The following SMARCA4 variants were observed in gnomAD, a reference collection of about 807,000 sequenced individuals.
SMARCA4 encodes SWI/SNF-related matrix-associated actin-dependent regulator of chromatin subfamily A member 4.
Under a neutral mutation model 193.9 loss-of-function variants are expected in SMARCA4, and 31 were observed. The ratio of observed to expected loss-of-function variants is 0.16; its 90% CI spans 0.12 to 0.22. The LOEUF (loss-of-function observed/expected upper bound fraction) is 0.22, where lower values mean the gene tolerates loss of function less well. SMARCA4 is among the 10% of genes least tolerant of loss of function. The pLI, the probability that SMARCA4 is intolerant of heterozygous loss-of-function variation, is 1.00. For missense variants in SMARCA4, 1,148 were observed against 2,296.0 expected, an observed-to-expected ratio of 0.50 and a Z score of 10.22; for synonymous variants, 942 against 933.1, an observed-to-expected ratio of 1.01 and a Z score of -0.17.
At chr19:11,007,420 A>G (rs1333029061) in intron 13 of SMARCA4, among the ~76,000 whole-genome samples, 1 of 135,746 alleles carries the variant, frequency 7.4e-6, no homozygotes, top group Admixed American at 8.0e-5. Context: ...ACAGAGTGAC[A>G]CTTCGTCTCA....
At position 11,031,198 on chromosome 19, in the gene SMARCA4, A is replaced by G. The variant is rs2074906538; in HGVS notation, c.3546+305A>G. 1 of 411,918 alleles carries G rather than the reference A, an allele frequency of 2.4e-6. No individual in the cohort carries two copies. The highest frequency in any genetic ancestry group is 4.6e-6 in the Non-Finnish European group (1 of 216,620). 25.5% of individuals were successfully genotyped at this position (411,918 alleles called of 1,614,324 possible). On this transcript the variant is annotated intron_variant, in intron 25 of 34. Coordinates refer to ENST00000344626, the MANE Select transcript of SMARCA4 (RefSeq NM_003072.5). The surrounding 1 kb of genome is among the most constrained non-coding windows in gnomAD (Gnocchi z 4.3). Reference sequence around the variant, plus strand: ...GAGGAGGTGGAAAGTATCCTGATCAATCTGCGCCGTCACTGTGGGGCGGCC... The same window carrying G: ...GAGGAGGTGGAAAGTATCCTGATCAGTCTGCGCCGTCACTGTGGGGCGGCC...
intron 1 of SMARCA4, among the ~76,000 whole-genome samples, chr19:10,973,451 AG>A (rs2084841975): frequency 6.6e-6 from 1 of 151,388 alleles, no homozygotes; most frequent in Non-Finnish European, 1.5e-5. Flanking sequence ...CCCAGGCTAG[AG>A]TGCAGTGATG....
intron 29 of SMARCA4, among the ~76,000 whole-genome samples, chr19:11,036,042 G>C (rs926892127): frequency 6.6e-6 from 1 of 152,192 alleles, no homozygotes; most frequent in Non-Finnish European, 1.5e-5. Flanking sequence ...AAACAGCCCC[G>C]GTTCCCTCCT....
At chr19:11,047,243 A>G (rs11668554) in intron 30 of SMARCA4, among the ~76,000 whole-genome samples, 30,890 of 152,002 alleles carry the variant, frequency 0.2, 4,035 homozygotes, top group South Asian at 0.38. Flanking sequence ...CAAGAGATGT[A>G]TGGGGCCTCT....
At chr19:10,994,051 T>C (rs548746023) in intron 8 of SMARCA4, among the ~76,000 whole-genome samples, 2 of 151,894 alleles carry the variant, frequency 1.3e-5, no homozygotes, top group Non-Finnish European at 2.9e-5. Flanking sequence ...ATTATATTTA[T>C]TTTTTTGAGA....
rs1600405452 is a variant in SMARCA4 at position 11,034,934 on chromosome 19, G to A, written c.3972G>A (p.Arg1324=). The change falls in exon 29 of 35, where the codon AGG becomes AGA. Residue 1324 remains arginine (R), a synonymous_variant. Transcript: ENST00000344626. The surrounding 1 kb of genome is among the most constrained non-coding windows in gnomAD (Gnocchi z 7.0). ...DLFMRMDLDR[R]REEARNPKRK... is the part of the protein sequence containing the mutation. Reference sequence around the variant, plus strand: ...ACCAGCGCATGGACCTGGACCGCAGGCGCGAGGAGGCCCGCAACCCCAAGC... The same window carrying A: ...ACCAGCGCATGGACCTGGACCGCAGACGCGAGGAGGCCCGCAACCCCAAGC... 1 of 1,574,856 alleles carries A rather than the reference G, an allele frequency of 6.3e-7. No homozygotes were observed. Among genetic ancestry groups the A allele is most frequent in the Middle Eastern group, 2.0e-4 (1 of 4,962 alleles).
chr19:11,055,018 G>A (rs1242669276), intron 30 of SMARCA4, among the ~76,000 whole-genome samples: 4 of 152,168 alleles, frequency 2.6e-5, no homozygotes, highest in African/African-American at 7.2e-5. Flanking sequence ...ATAGAGGTGA[G>A]GGAGGCTCTC....
chr19:11,036,457 C>T (rs372399371), intron 29 of SMARCA4, among the ~76,000 whole-genome samples: 3 of 152,236 alleles, frequency 2.0e-5, no homozygotes, highest in Admixed American at 6.5e-5. Flanking sequence ...GGGGGTCTCA[C>T]TGTGTCACTC....
intron 29 of SMARCA4, among the ~76,000 whole-genome samples, chr19:11,036,383 C>T (rs1435428235): frequency 6.6e-6 from 1 of 152,230 alleles, no homozygotes; most frequent in Middle Eastern, 3.4e-3. Flanking sequence ...CCTCAGCCTC[C>T]TGAGTAGTTC....
intron 15 of SMARCA4, 165 bp from the exon 16 acceptor site, chr19:11,012,780 TAAAG>T: frequency 1.4e-6 from 1 of 694,834 alleles, no homozygotes; most frequent in Non-Finnish European, 2.6e-6. Flanking sequence ...GGCTAAGCGA[TAAAG>T]AATCAGTTTG....
At chr19:10,997,882 C>T (rs532689611) in intron 11 of SMARCA4, among the ~76,000 whole-genome samples, 2 of 152,322 alleles carry the variant, frequency 1.3e-5, no homozygotes, top group South Asian at 4.1e-4. Context: ...GCACACTGTA[C>T]CGAGGTGACG....
intron 29 of SMARCA4, among the ~76,000 whole-genome samples, chr19:11,037,246 TG>T (rs1226749975): frequency 6.6e-6 from 1 of 152,230 alleles, no homozygotes; most frequent in Non-Finnish European, 1.5e-5. Flanking sequence ...CTGGTTTCCT[TG>T]GTGGCTACGC....
intron 9 of SMARCA4, 181 bp from the exon 10 acceptor site, chr19:10,996,032 C>G: frequency 1.4e-6 from 1 of 724,302 alleles, no homozygotes; most frequent in East Asian, 2.6e-5. Flanking sequence ...GAACCTAGCC[C>G]TTGGTGGGTT....
chr19:10,990,055 T>C (rs916461083), intron 7 of SMARCA4, among the ~76,000 whole-genome samples: 3 of 152,054 alleles, frequency 2.0e-5, no homozygotes, highest in African/African-American at 7.2e-5. Flanking sequence ...AGTGGAGAGA[T>C]CACAGCTCAC....
intron 7 of SMARCA4, 30 bp from the exon 8 acceptor site, chr19:10,991,120 T>C (rs373075968): frequency 9.5e-5 from 153 of 1,612,098 alleles, no homozygotes; most frequent in African/African-American, 3.7e-4. Context: ...AGCTGTGCAG[T>C]GCGCGGGCTT....
intron 30 of SMARCA4, among the ~76,000 whole-genome samples, chr19:11,052,531 C>T (rs1049121984): frequency 2.0e-4 from 30 of 152,340 alleles, no homozygotes; most frequent in African/African-American, 7.2e-4. Context: ...CCCCTACAAA[C>T]ACCCACCCTT....
chr19:10,965,970 G>GTTTTTTTTTTTT (rs372236923), intron 1 of SMARCA4, among the ~76,000 whole-genome samples: 4 of 78,984 alleles, frequency 5.1e-5, no homozygotes, highest in African/African-American at 1.9e-4. Flanking sequence ...TAGTGGCATG[G>GTTTTTTTTTTTT]TTTTTTTTTT....
rs372877301 is a variant in SMARCA4 at position 11,023,645 on chromosome 19, G to C, written c.2973+14G>C. On this transcript the variant is annotated intron_variant, in intron 20 of 34. Coordinates refer to ENST00000344626, the MANE Select transcript of SMARCA4 (RefSeq NM_003072.5). The stretch of plus-strand genomic sequence containing the variant: ...TTGCCCGAAAAGGTGATGGAGTTTT[G>C]AGGGGAGCCACCAGTGAAGCAGCCT... 6.5e-7 allele frequency: 1 copy of C among 1,539,978 alleles called. No individual in the cohort carries two copies.
chr19:11,024,906 C>T (rs766524202), intron 21 of SMARCA4, among the ~76,000 whole-genome samples: 33 of 152,138 alleles, frequency 2.2e-4, no homozygotes, highest in South Asian at 4.2e-4. Flanking sequence ...TTCCCCGAGA[C>T]GTTGTGTCTG....
Sources: gnomAD v4.1 joint callset for allele counts (sites outside exome capture counted in the v4.1 genomes callset) on GRCh38, gnomAD v4.1.1 for gene constraint, Gnocchi (gnomAD v3.1) non-coding constraint, MANE v1.5 for transcripts, NCBI Gene and HGNC (gene_info 2026-07-23, HGNC 2026-07-21) for gene names.